CACNA2D1: variants seen among roughly 807,000 people sequenced by gnomAD.
CACNA2D1 encodes the protein voltage-dependent calcium channel subunit alpha-2/delta-1.
Under a neutral mutation model 171.5 loss-of-function variants are expected in CACNA2D1, and 53 were observed. The observed-to-expected ratio is 0.31, with a 90% CI of 0.25 to 0.39. The LOEUF is 0.39. Ranked by LOEUF, CACNA2D1 falls within the 10% of genes least tolerant of loss-of-function variation. The pLI is 1.00. For missense variants in CACNA2D1, 903 were observed against 1,299.8 expected (o/e 0.69, Z 4.69); for synonymous variants, 442 against 443.1 (o/e 1.00, Z 0.03).
chr7:82,434,767 C>T (rs1272206182), intron 1 of CACNA2D1, among the ~76,000 whole-genome samples: 1 of 152,128 alleles, frequency 6.6e-6, no homozygotes, highest in East Asian at 1.9e-4. Flanking sequence ...TTGACCAACT[C>T]CTCAAGCCAC....
chr7:82,076,971 G>A (rs574261198), intron 7 of CACNA2D1, among the ~76,000 whole-genome samples: 2 of 152,076 alleles, frequency 1.3e-5, no homozygotes, highest in South Asian at 4.1e-4. Context: ...CCTCTTATAT[G>A]ACTCTAATCC....
intron 3 of CACNA2D1, among the ~76,000 whole-genome samples, chr7:82,201,683 C>G (rs74720307): frequency 1.2e-4 from 18 of 152,250 alleles, no homozygotes; most frequent in African/African-American, 4.3e-4. Context: ...TGCTACCCTT[C>G]GCTAGTCCCC....
At chr7:82,048,201 G>C (rs1255556061) in intron 10 of CACNA2D1, among the ~76,000 whole-genome samples, 2 of 152,026 alleles carry the variant, frequency 1.3e-5, no homozygotes, top group Admixed American at 1.3e-4. Context: ...ATTTAACTCA[G>C]TTCCACTGAG....
intron 3 of CACNA2D1, among the ~76,000 whole-genome samples, chr7:82,256,403 T>C (rs1806310226): frequency 6.6e-6 from 1 of 152,198 alleles, no homozygotes. Flanking sequence ...TAAGAATATA[T>C]AAATGTCTAA....
chr7:82,367,365 C>A (rs1348293380), intron 1 of CACNA2D1, among the ~76,000 whole-genome samples: 1 of 151,924 alleles, frequency 6.6e-6, no homozygotes, highest in Non-Finnish European at 1.5e-5. Flanking sequence ...CTTTTTTCTA[C>A]CTACCATGCT....
intron 1 of CACNA2D1, among the ~76,000 whole-genome samples, chr7:82,357,042 A>C (rs1820506981): frequency 6.6e-6 from 1 of 152,176 alleles, no homozygotes; most frequent in Admixed American, 6.6e-5. Flanking sequence ...ATTTTATTGA[A>C]TAATTGAAAA....
chr7:82,122,713 T>C (rs1217343416), intron 5 of CACNA2D1, among the ~76,000 whole-genome samples: 1 of 152,222 alleles, frequency 6.6e-6, no homozygotes, highest in East Asian at 1.9e-4. Context: ...TAAAAGGCAC[T>C]ATGTGATTTT....
chr7:82,032,976 G>A (rs1332815111), intron 11 of CACNA2D1, 75 bp from the exon 12 acceptor site: 7 of 822,070 alleles, frequency 8.5e-6, no homozygotes, highest in East Asian at 2.5e-5. Flanking sequence ...TATATGGAAC[G>A]AGCATGAGCA....
intron 4 of CACNA2D1, among the ~76,000 whole-genome samples, chr7:82,151,074 T>G (rs1403757125): frequency 6.6e-6 from 1 of 152,182 alleles, no homozygotes; most frequent in Non-Finnish European, 1.5e-5. Flanking sequence ...AATGTTAATT[T>G]CTGAAAGCAA....
intron 1 of CACNA2D1, among the ~76,000 whole-genome samples, chr7:82,414,823 C>T (rs545547376): frequency 2.2e-4 from 33 of 152,306 alleles, no homozygotes; most frequent in African/African-American, 7.5e-4. Flanking sequence ...TGGACACCTC[C>T]GTAAAATTGA....
chr7:82,236,816 A>C (rs1170602249), intron 3 of CACNA2D1, among the ~76,000 whole-genome samples: 1 of 151,982 alleles, frequency 6.6e-6, no homozygotes, highest in African/African-American at 2.4e-5. Context: ...CACTTACGGC[A>C]GATTTTCATG....
At position 82,137,871 on chromosome 7, in the gene CACNA2D1, T is replaced by G. The variant is rs918111624; in HGVS notation, c.355-1195A>C. 4.0e-5 allele frequency among the ~76,000 whole-genome samples: 6 copies of G among 151,896 alleles called. No individual in the cohort carries two copies. The East Asian group carries it at 9.7e-4, about 25-fold the overall frequency. On this transcript the variant is annotated intron_variant, in intron 4 of 38. Transcript: ENST00000356860. ...CGAGACTCCGCCTCAAAAAAAAAAT[T>G]TATTAAAAGCAAACATATAATACAC... is the stretch of plus-strand genomic sequence containing the variant.
intron 3 of CACNA2D1, among the ~76,000 whole-genome samples, chr7:82,243,723 T>C (rs1327257950): frequency 6.6e-6 from 1 of 152,162 alleles, no homozygotes; most frequent in Non-Finnish European, 1.5e-5. Flanking sequence ...CCATGCTACA[T>C]GGGTGCAGAC....
chr7:82,069,131 G>A (rs1471926200), intron 7 of CACNA2D1, among the ~76,000 whole-genome samples: 2 of 152,052 alleles, frequency 1.3e-5, no homozygotes, highest in African/African-American at 4.8e-5. Context: ...TAATTCCCTT[G>A]TTGTAAAATC....
chr7:82,335,159 C>A lies in CACNA2D1; in HGVS notation c.270G>T (p.Leu90=), dbSNP rs748166003. 6.2e-7 allele frequency: 1 copy of A among 1,610,034 alleles called. No homozygotes were observed. The highest frequency in any genetic ancestry group is 2.2e-5 in the East Asian group (1 of 44,824). ...CCACCAGGGCTTTAGATCTGTTGCT[C>A]AGAAGTTTCTCAATATCCCTGGCTG... ...EIAARDIEKL[L]SNRSKALVRL... is the part of the protein sequence containing the mutation. The change falls in exon 3 of 39, where the codon CTG becomes CTT. Residue 90 remains leucine, a synonymous_variant. Transcript: ENST00000356860.
Position 81,960,497 on chromosome 7 carries a change from CCT to C in CACNA2D1, c.2967-670_2967-669del, listed in dbSNP as rs201554567. ...GAATCAAGGGTTTTGAATTCCATCC[CCT>C]GTTTTGTCCACACCTTAAGCTGCTC... On this transcript the variant is annotated intron_variant, in intron 36 of 38. Transcript: ENST00000356860. 6.5e-4 allele frequency among the ~76,000 whole-genome samples: 99 copies of C among 152,082 alleles called. 1 individual carries two copies. In the East Asian group the frequency reaches 0.014, roughly 21 times the overall value.
intron 3 of CACNA2D1, among the ~76,000 whole-genome samples, chr7:82,278,757 C>T (rs1040402262): frequency 2.0e-5 from 3 of 152,032 alleles, no homozygotes; most frequent in African/African-American, 7.2e-5. Flanking sequence ...TGAATCCCCA[C>T]ATTTTTAGTT....
At chr7:82,094,833 CAGTGT>C (rs1477193852) in intron 6 of CACNA2D1, among the ~76,000 whole-genome samples, 1 of 141,598 alleles carries the variant, frequency 7.1e-6, no homozygotes, top group Non-Finnish European at 1.5e-5. Flanking sequence ...GTTCTAATGC[CAGTGT>C]AGCTATCCTC....
intron 7 of CACNA2D1, among the ~76,000 whole-genome samples, chr7:82,069,953 T>C (rs1308235863): frequency 6.6e-6 from 1 of 152,196 alleles, no homozygotes; most frequent in Admixed American, 6.6e-5. Flanking sequence ...CTAGATCTAA[T>C]TGGTGGACCA....
Sources: allele counts gnomAD v4.1 joint callset (sites outside exome capture counted in the v4.1 genomes callset), GRCh38; gene constraint gnomAD v4.1.1; transcripts MANE v1.5; gene names NCBI Gene and HGNC (gene_info 2026-07-23, HGNC 2026-07-21).